The following SLCO1C1 variants were observed in gnomAD, a reference collection of about 807,000 sequenced individuals.
The protein encoded by SLCO1C1 is OAT-RP-5.
In SLCO1C1, 70 loss-of-function variants were observed where a neutral mutation model predicts 76.4. The observed-to-expected ratio is 0.92, with a 90% confidence interval of 0.76 to 1.12. The LOEUF (loss-of-function observed/expected upper bound fraction) is 1.12. Ranked by LOEUF, SLCO1C1 falls within the 50% of genes most tolerant of loss-of-function variation. SLCO1C1 has a pLI of 0.00. For synonymous variants in SLCO1C1, 306 were observed against 286.1 expected, an observed-to-expected ratio of 1.07 and a Z score of -0.70; for missense variants, 912 against 823.8, an observed-to-expected ratio of 1.11 and a Z score of -1.31.
intron 9 of SLCO1C1, among the ~76,000 whole-genome samples, chr12:20,728,156 A>G (rs1418444536): frequency 6.6e-6 from 1 of 152,112 alleles, no homozygotes; most frequent in African/African-American, 2.4e-5. Context: ...ATTCTTACCC[A>G]TAAGTCTTTA....
At chr12:20,716,545 G>A (rs11045407) in intron 6 of SLCO1C1, among the ~76,000 whole-genome samples, 9 of 152,160 alleles carry the variant, frequency 5.9e-5, no homozygotes, top group African/African-American at 2.2e-4. Context: ...GTGTCCTTTA[G>A]GCCATCTGTT....
chr12:20,752,216 G>GA, intron 14 of SLCO1C1, 90 bp from the exon 15 acceptor site: 1 of 829,504 alleles, frequency 1.2e-6, no homozygotes, highest in Non-Finnish European at 1.8e-6. Flanking sequence ...CATTCTTAAA[G>GA]AAAACCATCA....
chr12:20,728,867 A>G (rs1440743513), intron 9 of SLCO1C1, among the ~76,000 whole-genome samples: 1 of 152,050 alleles, frequency 6.6e-6, no homozygotes, highest in African/African-American at 2.4e-5. Context: ...AATAATAATT[A>G]TATAATAAAA....
intron 2 of SLCO1C1, 55 bp downstream of exon 2, chr12:20,699,760 T>C: frequency 6.6e-7 from 1 of 1,522,984 alleles, no homozygotes; most frequent in Non-Finnish European, 8.8e-7. Flanking sequence ...TGTCCAGATA[T>C]CATCTATATA....
chr12:20,728,103 G>C (rs754031233), intron 9 of SLCO1C1, among the ~76,000 whole-genome samples: 1 of 152,172 alleles, frequency 6.6e-6, no homozygotes, highest in African/African-American at 2.4e-5. Flanking sequence ...GTGATACTGA[G>C]AAGGGTTTTT....
intron 7 of SLCO1C1, among the ~76,000 whole-genome samples, chr12:20,721,569 A>T (rs1947672666): frequency 6.6e-6 from 1 of 152,178 alleles, no homozygotes; most frequent in Non-Finnish European, 1.5e-5. Flanking sequence ...GAAACAAAAA[A>T]ATTGATGTGA....
intron 3 of SLCO1C1, among the ~76,000 whole-genome samples, chr12:20,703,974 T>TGTGC (rs1384539112): frequency 1.9e-4 from 28 of 145,284 alleles, no homozygotes; most frequent in Middle Eastern, 3.6e-3. Context: ...TGTGTGTGTG[T>TGTGC]GTGTGTGTGT....
At chr12:20,715,318 T>C (rs1173604149) in intron 6 of SLCO1C1, 33 bp downstream of exon 6, 8 of 1,608,726 alleles carry the variant, frequency 5.0e-6, no homozygotes, top group Non-Finnish European at 8.5e-7. Context: ...CTTATCTTCT[T>C]GGGAAGCAGG....
intron 3 of SLCO1C1, among the ~76,000 whole-genome samples, chr12:20,702,113 T>G (rs1298852387): frequency 6.6e-6 from 1 of 151,918 alleles, no homozygotes; most frequent in African/African-American, 2.4e-5. Flanking sequence ...CTTCCTGAAT[T>G]GATAAACTAA....
intron 9 of SLCO1C1, among the ~76,000 whole-genome samples, chr12:20,726,220 TTTC>T (rs1278260408): frequency 2.6e-5 from 4 of 151,736 alleles, no homozygotes. Context: ...CTCTCTTTCT[TTTC>T]TTCTTCTATT....
In SLCO1C1 at chr12:20,734,416, G is replaced by A. The variant is rs1948450957; in HGVS notation, c.1382+1312G>A. On this transcript the variant is annotated intron_variant, in intron 10 of 14. Coordinates refer to ENST00000266509, the MANE Select transcript of SLCO1C1 (RefSeq NM_017435.5). ...CAATGAAATGGAAGATGATTCTGGA[G>A]AGAGCAGAAGCCCAGTGCCATCTTT... Among the ~76,000 whole-genome samples the A allele has an allele frequency of 3.3e-5, 5 of 152,312 alleles. No homozygotes were observed. In the South Asian group the frequency reaches 8.3e-4, roughly 25 times the overall value.
intron 7 of SLCO1C1, among the ~76,000 whole-genome samples, chr12:20,721,076 G>C (rs1234342997): frequency 6.6e-6 from 1 of 150,824 alleles, no homozygotes; most frequent in Non-Finnish European, 1.5e-5. Context: ...GGCTTCTTGA[G>C]ATGGAACCTA....
Position 20,721,866 on chromosome 12 carries a change from A to G in SLCO1C1, c.838A>G (p.Ile280Val). ...AGGAGCCTGGTGGCTTGGCTATCTA[A>G]TAGCAGGAATCATAAGTCTTCTTGC... is the stretch of plus-strand genomic sequence containing the variant. ...WVGAWWLGYL[I>V]AGIISLLAAV... The change falls in exon 8 of 15, where the codon ATA becomes GTA. Residue 280 changes from isoleucine (I) to valine (V), a missense_variant. Coordinates refer to ENST00000266509, the MANE Select transcript of SLCO1C1 (RefSeq NM_017435.5). 1 of 1,614,182 alleles carries G rather than the reference A, an allele frequency of 6.2e-7. No individual in the cohort carries two copies. The highest frequency in any genetic ancestry group is 8.5e-7 in the Non-Finnish European group (1 of 1,180,020).
chr12:20,740,236 C>G lies in SLCO1C1; in HGVS notation c.1601C>G (p.Ser534Cys). The G allele has an allele frequency of 1.2e-6, 2 of 1,613,596 alleles. No individual in the cohort carries two copies. Among genetic ancestry groups the G allele is most frequent in the Non-Finnish European group, 1.7e-6 (2 of 1,179,850 alleles). Reference sequence around the variant, plus strand: ...ATTGCAGCTTCTAAATCCGGAAATTCCTCAGGCATAGTGGGAAGATGTCAG... The same window carrying G: ...ATTGCAGCTTCTAAATCCGGAAATTGCTCAGGCATAGTGGGAAGATGTCAG... ...VGIAASKSGN[S>C]SGIVGRCQKD... The change falls in exon 12 of 15, where the codon TCC (serine) becomes TGC (cysteine). Residue 534 changes from serine to cysteine, a missense_variant. Physicochemically the swap from Ser to Cys is moderately radical, Grantham distance 112. Coordinates refer to ENST00000266509, the MANE Select transcript of SLCO1C1 (RefSeq NM_017435.5).
chr12:20,701,058 A>G (rs1946499876), intron 2 of SLCO1C1, among the ~76,000 whole-genome samples: 1 of 152,106 alleles, frequency 6.6e-6, no homozygotes, highest in Non-Finnish European at 1.5e-5. Flanking sequence ...GGAAGAAGAC[A>G]AAAGATAATT....
chr12:20,727,089 C>T (rs924473593), intron 9 of SLCO1C1, among the ~76,000 whole-genome samples: 1 of 152,128 alleles, frequency 6.6e-6, no homozygotes, highest in Non-Finnish European at 1.5e-5. Context: ...CGTACCACTT[C>T]TTTATTCAAT....
intron 9 of SLCO1C1, among the ~76,000 whole-genome samples, chr12:20,731,984 A>G (rs572572269): frequency 1.3e-5 from 2 of 152,192 alleles, no homozygotes; most frequent in African/African-American, 4.8e-5. Context: ...AGAGACATTC[A>G]AAGAATTACC....
At chr12:20,701,572 C>T (rs75618528) in intron 3 of SLCO1C1, 113 bp downstream of exon 3, 778 of 514,968 alleles carry the variant, frequency 1.5e-3, no homozygotes, top group South Asian at 6.2e-3. Context: ...TTCATAAAAT[C>T]TTTTTTTTTT....
chr12:20,717,452 T>G (rs1304468237), intron 7 of SLCO1C1, among the ~76,000 whole-genome samples: 1 of 151,634 alleles, frequency 6.6e-6, no homozygotes, highest in Non-Finnish European at 1.5e-5. Flanking sequence ...GTTATTAAGA[T>G]CTATCTTTTT....
Sources: gnomAD v4.1 joint callset for allele counts (sites outside exome capture counted in the v4.1 genomes callset) on GRCh38, gnomAD v4.1.1 for gene constraint, MANE v1.5 for transcripts, NCBI Gene and HGNC (gene_info 2026-07-23, HGNC 2026-07-21) for gene names.